The following PLXNC1 variants were observed in gnomAD, a reference collection of about 807,000 sequenced individuals.
PLXNC1 encodes the protein plexin-C1.
In PLXNC1, 75 loss-of-function variants were observed where a neutral mutation model predicts 178.2. That is an observed-to-expected ratio of 0.42 (90% CI 0.35 to 0.51). The LOEUF (loss-of-function observed/expected upper bound fraction) is 0.51, where lower values mean the gene tolerates loss of function less well. Among genes scored for constraint, PLXNC1 ranks in the 20% least tolerant of loss-of-function variants. PLXNC1 has a pLI of 0.02. For synonymous variants in PLXNC1, 790 were observed against 779.9 expected (o/e 1.01, Z -0.22); for missense variants, 1,503 against 1,984.4 (o/e 0.76, Z 4.61).
chr12:94,210,981 A>C (rs1188760526), intron 5 of PLXNC1, among the ~76,000 whole-genome samples: 1 of 152,256 alleles, frequency 6.6e-6, no homozygotes, highest in Non-Finnish European at 1.5e-5. Context: ...ATAAGTGGTT[A>C]AAATTCTGGA....
intron 4 of PLXNC1, among the ~76,000 whole-genome samples, chr12:94,189,186 G>A (rs1297137011): frequency 6.6e-6 from 1 of 152,222 alleles, no homozygotes; most frequent in African/African-American, 2.4e-5. Flanking sequence ...CAGTTTGGGG[G>A]CTTTGCCGGA....
At chr12:94,292,482 G>C (rs1967436400) in intron 23 of PLXNC1, among the ~76,000 whole-genome samples, 1 of 152,094 alleles carries the variant, frequency 6.6e-6, no homozygotes, top group African/African-American at 2.4e-5. Flanking sequence ...TTATTAAAAA[G>C]TATATGCAAA....
At chr12:94,167,614 T>C (rs763990323) in intron 1 of PLXNC1, among the ~76,000 whole-genome samples, 8 of 152,178 alleles carry the variant, frequency 5.3e-5, no homozygotes, top group Non-Finnish European at 1.2e-4. Flanking sequence ...CTCATAGTCA[T>C]GAGGCTTCCT....
intron 1 of PLXNC1, among the ~76,000 whole-genome samples, chr12:94,151,262 C>G (rs1159150386): frequency 6.6e-6 from 1 of 151,998 alleles, no homozygotes; most frequent in Non-Finnish European, 1.5e-5. Flanking sequence ...GACAGCTTCC[C>G]CCACCCCCTT....
rs574056591 is a variant in PLXNC1 at position 94,217,278 on chromosome 12, A to G, written c.1555-2738A>G. On this transcript the variant is annotated intron_variant, in intron 5 of 30. Transcript: ENST00000258526. ...CCTCCTTCTCTGTGGCCAGGCCTCA[A>G]TTCCCTTGCTGGGCCTTGCTGGTCC... 5.9e-5 allele frequency among the ~76,000 whole-genome samples: 9 copies of G among 152,176 alleles called. No homozygotes were observed. The East Asian group carries it at 1.3e-3, about 23-fold the overall frequency.
intron 4 of PLXNC1, among the ~76,000 whole-genome samples, chr12:94,203,486 A>C (rs1963202856): frequency 6.6e-6 from 1 of 152,236 alleles, no homozygotes; most frequent in Admixed American, 6.5e-5. Flanking sequence ...TGAGAAATTG[A>C]GTAAAACTTG....
At chr12:94,153,261 C>T (rs1227223743) in intron 1 of PLXNC1, among the ~76,000 whole-genome samples, 3 of 152,196 alleles carry the variant, frequency 2.0e-5, no homozygotes, top group Non-Finnish European at 4.4e-5. Flanking sequence ...CAGGGTTTCT[C>T]GAACTTTCCC....
At position 94,244,007 on chromosome 12, in the gene PLXNC1, A is replaced by G. The variant is rs1376052572; in HGVS notation, c.2370A>G (p.Glu790=). 2 of 1,585,632 alleles carry G rather than the reference A, an allele frequency of 1.3e-6. No homozygotes were observed. The highest frequency in any genetic ancestry group is 1.7e-6 in the Non-Finnish European group (2 of 1,156,036). ...TTGACAACTTAATCATTTCACATGA[A>G]TTAAAAGGAAACATAAATGTAAGTC... ...DVIDNLIISH[E]LKGNINVSEY... The change falls in exon 12 of 31, where the codon GAA becomes GAG. Residue 790 remains glutamate (E), a synonymous_variant. Transcript: ENST00000258526.
chr12:94,222,939 C>T (rs931162221), intron 6 of PLXNC1, among the ~76,000 whole-genome samples: 2 of 152,166 alleles, frequency 1.3e-5, no homozygotes, highest in Admixed American at 6.5e-5. Flanking sequence ...ACCCTCTGTA[C>T]GTGAACCGAA....
intron 4 of PLXNC1, among the ~76,000 whole-genome samples, chr12:94,206,923 A>T (rs1401779816): frequency 6.6e-6 from 1 of 152,108 alleles, no homozygotes; most frequent in Admixed American, 6.6e-5. Flanking sequence ...TATGCACTTG[A>T]CCGTTGCTCT....
At chr12:94,258,496 C>A (rs1964915777) in intron 17 of PLXNC1, among the ~76,000 whole-genome samples, 1 of 152,192 alleles carries the variant, frequency 6.6e-6, no homozygotes, top group Admixed American at 6.5e-5. Context: ...AGTTTAGAGT[C>A]TCATTCTGTG....
At chr12:94,181,340 A>C in intron 2 of PLXNC1, 106 bp from the exon 3 acceptor site, 1 of 724,518 alleles carries the variant, frequency 1.4e-6, no homozygotes, top group Non-Finnish European at 2.2e-6. Context: ...GTGAGCCAAG[A>C]TCATGCCAAT....
In PLXNC1 at chr12:94,149,523, G is replaced by A. The variant is rs1960864253; in HGVS notation, c.552G>A (p.Val184=). 1.3e-6 allele frequency: 2 copies of A among 1,538,770 alleles called. No individual in the cohort carries two copies. Among genetic ancestry groups the A allele is most frequent in the East Asian group, 2.4e-5 (1 of 40,928 alleles). ...ACCTGGCGGTGGCCGCCACCTACGT[G>A]CTGCCTGAGCCGGAGACGGCGAGCC... ...RWYLAVAATY[V]LPEPETASRC... The change falls in exon 1 of 31, where the codon GTG becomes GTA. Residue 184 remains valine (V), a synonymous_variant. Coordinates refer to ENST00000258526, the MANE Select transcript of PLXNC1 (RefSeq NM_005761.3).
intron 6 of PLXNC1, among the ~76,000 whole-genome samples, chr12:94,221,500 A>T (rs552592329): frequency 6.6e-6 from 1 of 152,320 alleles, no homozygotes; most frequent in South Asian, 2.1e-4. Context: ...AATGAGAAAG[A>T]CTAGAAGTAG....
At chr12:94,254,732 C>T in intron 15 of PLXNC1, 55 bp from the exon 16 acceptor site, 1 of 1,274,406 alleles carries the variant, frequency 7.8e-7, no homozygotes, top group South Asian at 1.4e-5. Context: ...TATTTGTTTT[C>T]ATTTTTGGTT....
chr12:94,258,618 C>T (rs1964918618), intron 17 of PLXNC1, among the ~76,000 whole-genome samples: 1 of 152,154 alleles, frequency 6.6e-6, no homozygotes, highest in East Asian at 1.9e-4. Flanking sequence ...CATTTAGAAA[C>T]CAGTGGGGTG....
At chr12:94,267,959 C>T (rs1227235600) in intron 21 of PLXNC1, among the ~76,000 whole-genome samples, 1 of 152,120 alleles carries the variant, frequency 6.6e-6, no homozygotes, top group African/African-American at 2.4e-5. Flanking sequence ...AACCAAGGTG[C>T]GGTGAACAAA....
intron 4 of PLXNC1, among the ~76,000 whole-genome samples, chr12:94,205,067 A>G (rs1270173458): frequency 6.6e-6 from 1 of 152,148 alleles, no homozygotes; most frequent in East Asian, 1.9e-4. Context: ...CAGAGTTTCT[A>G]TTTCAAGGTT....
intron 3 of PLXNC1, among the ~76,000 whole-genome samples, chr12:94,181,902 A>G (rs1488117877): frequency 6.6e-6 from 1 of 152,112 alleles, no homozygotes; most frequent in Admixed American, 6.5e-5. Flanking sequence ...TGGGCACTGA[A>G]CGGTTAGATG....
Sources: gnomAD v4.1 joint callset for allele counts (sites outside exome capture counted in the v4.1 genomes callset) on GRCh38, gnomAD v4.1.1 for gene constraint, MANE v1.5 for transcripts, NCBI Gene and HGNC (gene_info 2026-07-23, HGNC 2026-07-21) for gene names.